Variants in TRPC7 observed in about 807,000 individuals in gnomAD.
TRPC7 encodes transient receptor potential cation channel subfamily C member 7.
In TRPC7, 42 loss-of-function variants were observed where a neutral mutation model predicts 90.1. The observed-to-expected ratio is 0.47, with a 90% CI of 0.36 to 0.60. TRPC7 has a LOEUF of 0.60. TRPC7 is among the 20% of genes least tolerant of loss of function. TRPC7 has a pLI of 0.00. For missense variants in TRPC7, 955 were observed against 1,112.3 expected, an observed-to-expected ratio of 0.86 and a Z score of 2.01; for synonymous variants, 451 against 436.3, an observed-to-expected ratio of 1.03 and a Z score of -0.42.
At chr5:136,336,852 A>G (rs1315324891) in intron 2 of TRPC7, among the ~76,000 whole-genome samples, 1 of 152,132 alleles carries the variant, frequency 6.6e-6, no homozygotes, top group Non-Finnish European at 1.5e-5. Flanking sequence ...CATCCTTGGG[A>G]AAGGAAGGAT....
chr5:136,274,643 CA>C, intron 4 of TRPC7, 29 bp downstream of exon 4: 1 of 1,555,302 alleles, frequency 6.4e-7, no homozygotes, highest in South Asian at 1.2e-5. Flanking sequence ...GAAATAACCG[CA>C]AACGACATGC....
chr5:136,267,907 C>G (rs1394398616), intron 4 of TRPC7, among the ~76,000 whole-genome samples: 3 of 152,076 alleles, frequency 2.0e-5, no homozygotes, highest in African/African-American at 7.2e-5. Flanking sequence ...TTTACAATAA[C>G]ATTTCTGTAT....
At position 136,215,558 on chromosome 5, in the gene TRPC7, C is replaced by A. The variant is rs149360601; in HGVS notation, c.2419+642G>T. On this transcript the variant is annotated intron_variant, in intron 11 of 11. Transcript: ENST00000513104. ...GGAGGAGGGGCCGGGCGCAGTGGCTCATGCCTGTAATCCCAACACTTTGGG... is the reference window on the plus strand; with the variant it reads ...GGAGGAGGGGCCGGGCGCAGTGGCTAATGCCTGTAATCCCAACACTTTGGG... Among the ~76,000 whole-genome samples, 1,142 of 152,312 alleles carry A rather than the reference C, an allele frequency of 7.5e-3. 11 individuals are homozygous for A. Among genetic ancestry groups the A allele is most frequent in the African/African-American group, 0.019 (808 of 41,568 alleles).
intron 5 of TRPC7, among the ~76,000 whole-genome samples, chr5:136,255,768 C>T (rs1003531582): frequency 1.2e-4 from 19 of 152,156 alleles, no homozygotes; most frequent in African/African-American, 4.1e-4. Flanking sequence ...CTATAAAGTA[C>T]GTTCTGTTAT....
chr5:136,352,846 C>A (rs1273737398), intron 2 of TRPC7, among the ~76,000 whole-genome samples: 2 of 152,144 alleles, frequency 1.3e-5, no homozygotes, highest in African/African-American at 4.8e-5. Context: ...GGACTTTGTG[C>A]CCCCAACCAG....
chr5:136,233,772 T>C (rs1421523995), intron 7 of TRPC7, among the ~76,000 whole-genome samples: 1 of 152,198 alleles, frequency 6.6e-6, no homozygotes. Flanking sequence ...ACAAATGAAG[T>C]GAGCGATTAC....
At chr5:136,330,801 G>C (rs3777147) in intron 2 of TRPC7, among the ~76,000 whole-genome samples, 15,501 of 152,178 alleles carry the variant, frequency 0.1, 844 homozygotes, top group Non-Finnish European at 0.13. Flanking sequence ...TGGAACAGGC[G>C]GCTCCTATTG....
At chr5:136,252,450 C>G (rs930711513) in intron 5 of TRPC7, among the ~76,000 whole-genome samples, 1 of 152,038 alleles carries the variant, frequency 6.6e-6, no homozygotes, top group African/African-American at 2.4e-5. Context: ...TTTTTTCTTA[C>G]TCTTTCATAA....
At chr5:136,359,052 AGAAAG>A (rs539388762) in intron 1 of TRPC7, among the ~76,000 whole-genome samples, 5 of 152,260 alleles carry the variant, frequency 3.3e-5, no homozygotes, top group Non-Finnish European at 7.3e-5. Flanking sequence ...ATGATCACAG[AGAAAG>A]GCTTTAAAAT....
chr5:136,322,252 T>G (rs1759222641), intron 2 of TRPC7, among the ~76,000 whole-genome samples: 2 of 152,124 alleles, frequency 1.3e-5, no homozygotes, highest in South Asian at 4.1e-4. Context: ...TGACCTCAAG[T>G]GATCACCTGT....
rs1010316156 is a variant in TRPC7, at chr5:136,266,177, T to G, written c.1345+43A>C. The G allele has an allele frequency of 2.6e-6, 4 of 1,533,362 alleles. No homozygotes were observed. The South Asian group carries it at 4.5e-5, about 17-fold the overall frequency. The allele number at this position is 1,533,362 out of a possible 1,614,324, so 95.0% of individuals were successfully genotyped here. ...AAATCAGAGTTTAATAATGTCCTAC[T>G]ATAATTAGCAAGGAGAGAATAAAAA... On this transcript the variant is annotated intron_variant, in intron 5 of 11. Coordinates refer to ENST00000513104, the MANE Select transcript of TRPC7 (RefSeq NM_020389.3).
At chr5:136,327,043 A>G (rs1165534619) in intron 2 of TRPC7, among the ~76,000 whole-genome samples, 1 of 152,204 alleles carries the variant, frequency 6.6e-6, no homozygotes, top group Non-Finnish European at 1.5e-5. Context: ...TTTATTGGTC[A>G]TGGCAAGTGT....
At chr5:136,297,330 C>A (rs1580918431) in intron 3 of TRPC7, among the ~76,000 whole-genome samples, 1 of 152,054 alleles carries the variant, frequency 6.6e-6, no homozygotes, top group African/African-American at 2.4e-5. Context: ...CAGGATGATC[C>A]CCTCCTTCTT....
At chr5:136,235,330 C>A (rs2194138) in intron 7 of TRPC7, among the ~76,000 whole-genome samples, 96,067 of 152,104 alleles carry the variant, frequency 0.63, 31,285 homozygotes, top group African/African-American at 0.81. Context: ...AATGAACTTA[C>A]GATGCCATGC....
chr5:136,213,290 G>A lies in TRPC7; in HGVS notation c.*145C>T. On this transcript the variant is annotated 3_prime_UTR_variant, in exon 12 of 12. Transcript: ENST00000513104. ...GCAGGCCAGCGGGCTGGAGATGTCA[G>A]TCATGCTGCAAGAGACTGAGCCAGG... The A allele has an allele frequency of 1.2e-6, 1 of 824,890 alleles. No homozygotes were observed. The highest frequency in any genetic ancestry group is 1.9e-6 in the Non-Finnish European group (1 of 529,618). 51.1% of individuals were successfully genotyped at this position (824,890 alleles called of 1,614,324 possible).
intron 5 of TRPC7, among the ~76,000 whole-genome samples, chr5:136,253,975 T>G (rs536069691): frequency 6.6e-5 from 10 of 152,288 alleles, no homozygotes; most frequent in Admixed American, 2.0e-4. Context: ...AGTGATTGAT[T>G]AAACCAGCTA....
At chr5:136,307,588 G>T (rs923930103) in intron 3 of TRPC7, among the ~76,000 whole-genome samples, 21 of 152,170 alleles carry the variant, frequency 1.4e-4, no homozygotes, top group African/African-American at 5.1e-4. Flanking sequence ...CAGCCAAGAG[G>T]TTCTCAACAG....
At chr5:136,232,562 T>C (rs1305823109) in intron 7 of TRPC7, among the ~76,000 whole-genome samples, 1 of 152,256 alleles carries the variant, frequency 6.6e-6, no homozygotes. Context: ...TTAGGTTAGA[T>C]GCTGCATGTG....
intron 3 of TRPC7, among the ~76,000 whole-genome samples, chr5:136,291,860 C>T (rs1580910025): frequency 1.3e-5 from 2 of 152,316 alleles, no homozygotes; most frequent in East Asian, 3.9e-4. Flanking sequence ...CACCACACCA[C>T]ACCAATTCCA....
Sources: gnomAD v4.1 joint callset for allele counts (sites outside exome capture counted in the v4.1 genomes callset) on GRCh38, gnomAD v4.1.1 for gene constraint, MANE v1.5 for transcripts, NCBI Gene and HGNC (gene_info 2026-07-23, HGNC 2026-07-21) for gene names.